The following FAT3 variants were observed in gnomAD, a reference collection of about 807,000 sequenced individuals.
The protein encoded by FAT3 is FAT atypical cadherin 3, also known as protocadherin Fat 3.
FAT3 carries 95 observed loss-of-function variants against 310.2 expected under a neutral mutation model. The ratio of observed to expected loss-of-function variants is 0.31; its 90% confidence interval spans 0.26 to 0.36. The LOEUF (loss-of-function observed/expected upper bound fraction) is 0.36, where lower values mean the gene tolerates loss of function less well. FAT3 is among the 10% of genes least tolerant of loss of function. The pLI, the probability that FAT3 is intolerant of heterozygous loss-of-function variation, is 1.00. For synonymous variants in FAT3, 2,314 were observed against 2,192.9 expected (o/e 1.06, Z -1.54); for missense variants, 5,408 against 5,715.6 (o/e 0.95, Z 1.74).
intron 4 of FAT3, among the ~76,000 whole-genome samples, chr11:92,751,508 GTAAC>G (rs1003978986): frequency 2.8e-4 from 42 of 152,184 alleles, no homozygotes; most frequent in Admixed American, 1.2e-3. Flanking sequence ...ATGTAACCAT[GTAAC>G]AAGATAGTAA....
chr11:92,705,900 G>T (rs886870420), intron 4 of FAT3, among the ~76,000 whole-genome samples: 860 of 39,566 alleles, frequency 0.022, no homozygotes, highest in South Asian at 0.047. Flanking sequence ...TGATGGTGGT[G>T]GTGATGGTGG....
intron 2 of FAT3, among the ~76,000 whole-genome samples, chr11:92,361,579 T>C (rs1286035131): frequency 6.6e-6 from 1 of 152,202 alleles, no homozygotes; most frequent in South Asian, 2.1e-4. Flanking sequence ...CTCCAAACAC[T>C]GCTGGCACCT....
At chr11:92,738,021 C>T (rs1318906651) in intron 4 of FAT3, among the ~76,000 whole-genome samples, 1 of 152,098 alleles carries the variant, frequency 6.6e-6, no homozygotes, top group Non-Finnish European at 1.5e-5. Flanking sequence ...ATAAACTTTC[C>T]TATAAACCTT....
At chr11:92,246,836 A>G (rs139936674) in intron 1 of FAT3, among the ~76,000 whole-genome samples, 31 of 152,216 alleles carry the variant, frequency 2.0e-4, no homozygotes, top group Non-Finnish European at 4.1e-4. Flanking sequence ...AAAACAAAAC[A>G]TAGAGGTTAC....
rs749341952 is a variant in FAT3, at chr11:92,352,739, G to A, written c.627G>A (p.Thr209=). The A allele has an allele frequency of 6.2e-6, 10 of 1,613,808 alleles. No individual in the cohort carries two copies. The South Asian group carries it at 7.7e-5, about 12-fold the overall frequency. ...TTGATCTCTTTTCAGTTCACCCCAC[G>A]AGTGGTGTCATCTCCTTAAGTGGTC... The part of the protein sequence containing the change: ...NKVDLFSVHP[T]SGVISLSGRL... Residue 209 remains threonine, a synonymous_variant, in exon 2 of 28, where the codon ACG becomes ACA. Transcript: ENST00000525166.
intron 13 of FAT3, among the ~76,000 whole-genome samples, chr11:92,814,482 T>A (rs1445781854): frequency 6.6e-6 from 1 of 152,178 alleles, no homozygotes; most frequent in Admixed American, 6.5e-5. Context: ...TTCTAAGAAA[T>A]ACCGTGGCAA....
chr11:92,547,827 G>A (rs1205479570), intron 3 of FAT3, among the ~76,000 whole-genome samples: 1 of 152,166 alleles, frequency 6.6e-6, no homozygotes, highest in Non-Finnish European at 1.5e-5. Flanking sequence ...GGGCATTTGA[G>A]CAGATAATTT....
intron 1 of FAT3, among the ~76,000 whole-genome samples, chr11:92,328,847 GA>G (rs1184981578): frequency 6.6e-6 from 1 of 152,158 alleles, no homozygotes; most frequent in African/African-American, 2.4e-5. Context: ...GAGAAGTGGG[GA>G]TATTTTTTAA....
intron 4 of FAT3, among the ~76,000 whole-genome samples, chr11:92,749,729 T>A (rs1484354231): frequency 6.6e-6 from 1 of 152,182 alleles, no homozygotes; most frequent in African/African-American, 2.4e-5. Context: ...ACATAACTGG[T>A]GATTTACAGG....
rs144466824 is a variant in FAT3, at chr11:92,502,331, C to T, written c.3293-22303C>T. Reference sequence around the variant, plus strand: ...TGCAGTCTCTGAGGACAGTGATAGACAAGTGTGGGTTTTAGATGAACCAGT... The same window carrying T: ...TGCAGTCTCTGAGGACAGTGATAGATAAGTGTGGGTTTTAGATGAACCAGT... On this transcript the variant is annotated intron_variant, in intron 2 of 27. Transcript: ENST00000525166. Among the ~76,000 whole-genome samples the T allele has an allele frequency of 1.7e-3, 256 of 152,138 alleles. 1 individual carries two copies. Among genetic ancestry groups the T allele is most frequent in the African/African-American group, 5.9e-3 (246 of 41,518 alleles).
In FAT3 at chr11:92,798,888, G is replaced by A. The variant is rs770371824; in HGVS notation, c.5875G>A (p.Asp1959Asn). 2 of 1,613,962 alleles carry A rather than the reference G, an allele frequency of 1.2e-6. No individual in the cohort carries two copies. Among genetic ancestry groups the A allele is most frequent in the Non-Finnish European group, 1.7e-6 (2 of 1,179,884 alleles). Residue 1959 changes from aspartate (D) to asparagine (N), a missense_variant, in exon 10 of 28, where the codon GAT (aspartate) becomes AAT (asparagine). Around this residue, in one of 5 missense-constraint regions of FAT3, gnomAD observed 4,588 missense variants for 4,809.8 expected, o/e 0.95. Transcript: ENST00000525166. ...CTACATGCTGATAGTTAAGGTGTCT[G>A]ATGGAAAGTTCTACAGTACCTCCAT... ...DHYMLIVKVS[D>N]GKFYSTSMVT... is the part of the protein sequence containing the mutation.
chr11:92,718,029 C>T (rs1379668449), intron 4 of FAT3, among the ~76,000 whole-genome samples: 1 of 152,146 alleles, frequency 6.6e-6, no homozygotes, highest in Non-Finnish European at 1.5e-5. Context: ...TGGGTCTGGG[C>T]TGGCTTGGTG....
chr11:92,579,215 C>T (rs1938653364), intron 3 of FAT3, among the ~76,000 whole-genome samples: 1 of 151,830 alleles, frequency 6.6e-6, no homozygotes, highest in East Asian at 1.9e-4. Flanking sequence ...GAAAATGATT[C>T]AAGAATTAGG....
At chr11:92,505,955 G>A (rs1011462718) in intron 2 of FAT3, among the ~76,000 whole-genome samples, 4 of 152,074 alleles carry the variant, frequency 2.6e-5, no homozygotes, top group Non-Finnish European at 4.4e-5. Context: ...GTCTAGTTGC[G>A]GGGTGGGGGA....
intron 13 of FAT3, 118 bp from the exon 14 acceptor site, chr11:92,831,504 T>G: frequency 1.2e-6 from 1 of 827,978 alleles, no homozygotes; most frequent in Non-Finnish European, 1.8e-6. Context: ...AGCTGTCTGT[T>G]TCTGTAATAA....
At chr11:92,421,152 A>G (rs1479361211) in intron 2 of FAT3, among the ~76,000 whole-genome samples, 1 of 152,206 alleles carries the variant, frequency 6.6e-6, no homozygotes, top group Non-Finnish European at 1.5e-5. Context: ...CCCAAAGAAT[A>G]ATTCTTCAGT....
At chr11:92,743,550 G>A (rs1945567927) in intron 4 of FAT3, among the ~76,000 whole-genome samples, 2 of 152,318 alleles carry the variant, frequency 1.3e-5, no homozygotes, top group Middle Eastern at 3.4e-3. Context: ...CCTATGCAGG[G>A]ACACCTGGCC....
intron 1 of FAT3, among the ~76,000 whole-genome samples, chr11:92,319,083 C>G (rs1257100747): frequency 1.3e-5 from 2 of 152,112 alleles, no homozygotes; most frequent in Non-Finnish European, 2.9e-5. Context: ...TAAACAACAA[C>G]AACAACAATA....
intron 3 of FAT3, among the ~76,000 whole-genome samples, chr11:92,680,288 A>G (rs1333941497): frequency 6.6e-6 from 1 of 152,194 alleles, no homozygotes; most frequent in African/African-American, 2.4e-5. Flanking sequence ...TTTAATATAG[A>G]GTGAGAAACA....
Sources: allele counts gnomAD v4.1 joint callset (sites outside exome capture counted in the v4.1 genomes callset), GRCh38; gene constraint gnomAD v4.1.1; regional missense constraint gnomAD v4.1.1; transcripts MANE v1.5; gene names NCBI Gene and HGNC (gene_info 2026-07-23, HGNC 2026-07-21).